VPS13D: variants seen among roughly 807,000 people sequenced by gnomAD.
The protein encoded by VPS13D is intermembrane lipid transfer protein VPS13D.
Under a neutral mutation model 461.9 loss-of-function variants are expected in VPS13D, and 187 were observed. That is an observed-to-expected ratio of 0.40 (90% CI 0.36 to 0.46). The LOEUF is 0.46. Ranked by LOEUF, VPS13D falls within the 20% of genes least tolerant of loss-of-function variation. The pLI, the probability that VPS13D is intolerant of heterozygous loss-of-function variation, is 0.60. For synonymous variants in VPS13D, 1,951 were observed against 1,986.3 expected (o/e 0.98, Z 0.47); for missense variants, 4,711 against 5,364.9 (o/e 0.88, Z 3.81).
intron 65 of VPS13D, among the ~76,000 whole-genome samples, chr1:12,422,346 CTT>C (rs915354504): frequency 7.2e-5 from 11 of 152,034 alleles, no homozygotes; most frequent in Non-Finnish European, 1.3e-4. Flanking sequence ...TTACTAATAA[CTT>C]TTATAGTTGT....
intron 1 of VPS13D, 144 bp from the exon 2 acceptor site, chr1:12,234,047 A>C: frequency 5.0e-6 from 2 of 402,284 alleles, no homozygotes; most frequent in Non-Finnish European, 9.2e-6. Flanking sequence ...AAACTGTCTC[A>C]AAACAAAAAC....
chr1:12,405,455 A>T (rs1386223711), intron 63 of VPS13D, among the ~76,000 whole-genome samples: 3 of 152,120 alleles, frequency 2.0e-5, no homozygotes, highest in East Asian at 3.9e-4. Flanking sequence ...ATCAGATCAC[A>T]TTTGGGTAAG....
At chr1:12,403,585 A>G (rs1475957320) in intron 62 of VPS13D, among the ~76,000 whole-genome samples, 2 of 152,214 alleles carry the variant, frequency 1.3e-5, no homozygotes, top group East Asian at 1.9e-4. Flanking sequence ...GTTGGATGGT[A>G]TGGAGTCACA....
chr1:12,348,997 T>C, intron 45 of VPS13D, 24 bp downstream of exon 45: 1 of 1,613,828 alleles, frequency 6.2e-7, no homozygotes, highest in African/African-American at 1.3e-5. Flanking sequence ...GTCTAGCATA[T>C]AGTAAATGCT....
At chr1:12,500,570 C>T (rs1646021828) in intron 68 of VPS13D, among the ~76,000 whole-genome samples, 1 of 151,990 alleles carries the variant, frequency 6.6e-6, no homozygotes, top group African/African-American at 2.4e-5. Flanking sequence ...TACGAAGCTG[C>T]TCTAATGTAC....
intron 62 of VPS13D, chr1:12,402,566 A>G (rs918624759): frequency 2.6e-5 from 4 of 152,202 alleles, no homozygotes; most frequent in Middle Eastern, 3.2e-3. Flanking sequence ...TTTTTATCCC[A>G]GATTTAGAAT....
At chr1:12,236,359 G>A (rs1213257351) in intron 2 of VPS13D, among the ~76,000 whole-genome samples, 1 of 151,986 alleles carries the variant, frequency 6.6e-6, no homozygotes, top group Non-Finnish European at 1.5e-5. Context: ...GGAATAGAGA[G>A]GGTACTAGAT....
In VPS13D at chr1:12,506,797, C is replaced by T. The variant is rs938836712; in HGVS notation, c.12795-56C>T. 7.6e-6 allele frequency: 12 copies of T among 1,586,256 alleles called. No individual in the cohort carries two copies. In the African/African-American group the frequency reaches 9.4e-5, roughly 12 times the overall value. On this transcript the variant is annotated intron_variant, in intron 68 of 69. Transcript: ENST00000620676. ...CCACAGAGCCCGCAGTGGGCCTCCC[C>T]CTGATGCTGGGCGAAGCCCCAGGTG...
At chr1:12,454,146 G>C (rs1389653203) in intron 65 of VPS13D, among the ~76,000 whole-genome samples, 2 of 152,154 alleles carry the variant, frequency 1.3e-5, no homozygotes, top group Non-Finnish European at 2.9e-5. Context: ...TGACAAAGTA[G>C]GTACTCTGGC....
intron 65 of VPS13D, among the ~76,000 whole-genome samples, chr1:12,431,477 G>A (rs1644991246): frequency 6.6e-6 from 1 of 150,404 alleles, no homozygotes; most frequent in Non-Finnish European, 1.5e-5. Context: ...GTTGAGACTG[G>A]GCCGGCAGCT....
rs187023659 is a variant in VPS13D at position 12,262,305 on chromosome 1, C to T, written c.1594+225C>T. ...GTACCTAACCTTAATTTTTAAAATG[C>T]GTGTCTGTATTTAAAGACATTTAAT... On this transcript the variant is annotated intron_variant, in intron 13 of 69. Coordinates refer to ENST00000620676, the MANE Select transcript of VPS13D (RefSeq NM_015378.4). 1.2e-4 allele frequency among the ~76,000 whole-genome samples: 19 copies of T among 152,298 alleles called. No individual in the cohort carries two copies. The East Asian group carries it at 1.9e-3, about 15-fold the overall frequency.
chr1:12,466,050 G>T (rs1159546412), intron 67 of VPS13D, among the ~76,000 whole-genome samples: 1 of 151,930 alleles, frequency 6.6e-6, no homozygotes, highest in Non-Finnish European at 1.5e-5. Context: ...CAGGAGAATT[G>T]CTTGAACCCG....
chr1:12,366,691 A>G (rs938906643), intron 52 of VPS13D, among the ~76,000 whole-genome samples: 1 of 152,192 alleles, frequency 6.6e-6, no homozygotes, highest in Non-Finnish European at 1.5e-5. Context: ...CATCTATTTC[A>G]TTTACTTTCC....
intron 8 of VPS13D, 40 bp from the exon 9 acceptor site, chr1:12,256,947 A>G (rs772797148): frequency 1.1e-5 from 17 of 1,601,202 alleles, no homozygotes; most frequent in Non-Finnish European, 1.3e-5. Flanking sequence ...AAAGAAACAA[A>G]CCTATTCTAA....
At position 12,499,627 on chromosome 1, in the gene VPS13D, G is replaced by A. The variant is rs950106566; in HGVS notation, c.12794+1996G>A. The A allele has an allele frequency of 8.9e-5, 88 of 985,312 alleles. No homozygotes were observed. The Admixed American group carries it at 4.4e-3, about 50-fold the overall frequency. The allele number at this position is 985,312 out of a possible 1,614,324, so 61.0% of individuals were successfully genotyped here. A position where few individuals can be genotyped will look rare whatever the true frequency, so the allele number is the denominator to read the frequency against. On this transcript the variant is annotated intron_variant, in intron 68 of 69. Coordinates refer to ENST00000620676, the MANE Select transcript of VPS13D (RefSeq NM_015378.4). ...AACTCATGAAATTCATATGAACTAG[G>A]AAGAGATATTGGCATGAATGAATTT...
intron 60 of VPS13D, among the ~76,000 whole-genome samples, chr1:12,399,268 C>A (rs1307044138): frequency 6.6e-6 from 1 of 150,680 alleles, no homozygotes; most frequent in Non-Finnish European, 1.5e-5. Context: ...GCTATCTCGG[C>A]TCACTGCAAC....
At chr1:12,389,716 C>T (rs1024544048) in intron 60 of VPS13D, among the ~76,000 whole-genome samples, 1 of 152,234 alleles carries the variant, frequency 6.6e-6, no homozygotes, top group Non-Finnish European at 1.5e-5. Flanking sequence ...CCTTTACCTT[C>T]AGCAAGCACC....
intron 21 of VPS13D, among the ~76,000 whole-genome samples, chr1:12,287,869 A>G (rs1557687544): frequency 6.6e-6 from 1 of 152,178 alleles, no homozygotes; most frequent in East Asian, 1.9e-4. Context: ...ATTTATCAAA[A>G]TGAGATTTAA....
chr1:12,488,184 G>A (rs990625753), intron 67 of VPS13D, among the ~76,000 whole-genome samples: 7 of 152,304 alleles, frequency 4.6e-5, no homozygotes, highest in Non-Finnish European at 8.8e-5. Flanking sequence ...CTGCACTTTC[G>A]CATTTTGGTA....
Sources: gnomAD v4.1 joint callset for allele counts (sites outside exome capture counted in the v4.1 genomes callset) on GRCh38, gnomAD v4.1.1 for gene constraint, MANE v1.5 for transcripts, NCBI Gene and HGNC (gene_info 2026-07-23, HGNC 2026-07-21) for gene names.